FNTB: variants seen among roughly 807,000 people sequenced by gnomAD.
The protein encoded by FNTB is protein farnesyltransferase subunit beta.
FNTB carries 27 observed loss-of-function variants against 59.4 expected under a neutral mutation model. That is an observed-to-expected ratio of 0.45 (90% CI 0.34 to 0.63). FNTB has a LOEUF of 0.63. Ranked by LOEUF, FNTB falls within the 20% of genes least tolerant of loss-of-function variation. The pLI, the probability that FNTB is intolerant of heterozygous loss-of-function variation, is 0.02. For synonymous variants in FNTB, 230 were observed against 220.7 expected (o/e 1.04, Z -0.37); for missense variants, 449 against 559.6 (o/e 0.80, Z 1.99).
At chr14:65,015,309 G>T (rs1171016515) in intron 3 of FNTB, among the ~76,000 whole-genome samples, 1 of 151,620 alleles carries the variant, frequency 6.6e-6, no homozygotes, top group Non-Finnish European at 1.5e-5. Flanking sequence ...CGCCATGTTG[G>T]CCAGGCTGGT....
At chr14:65,013,277 C>G (rs983398583) in intron 3 of FNTB, among the ~76,000 whole-genome samples, 2 of 151,904 alleles carry the variant, frequency 1.3e-5, no homozygotes, top group African/African-American at 2.4e-5. Context: ...CTGCCCATTA[C>G]TGCCATCTGG....
At chr14:65,058,222 G>GT (rs984712073) in intron 11 of FNTB, among the ~76,000 whole-genome samples, 108 of 139,782 alleles carry the variant, frequency 7.7e-4, no homozygotes, top group African/African-American at 2.2e-3. Context: ...GTCTTTCAGT[G>GT]TTTTTTTTAT....
chr14:65,021,543 G>C (rs1342677810), intron 4 of FNTB, among the ~76,000 whole-genome samples: 2 of 152,090 alleles, frequency 1.3e-5, no homozygotes, highest in Non-Finnish European at 2.9e-5. Context: ...GCACCTGGTG[G>C]GTGCAGGTCA....
rs1208153165 is a variant in FNTB at position 64,990,400 on chromosome 14, C to G, written c.144+3303C>G. On this transcript the variant is annotated intron_variant, in intron 1 of 11. Transcript: ENST00000246166. The surrounding 1 kb of genome is among the most constrained non-coding windows in gnomAD (Gnocchi z 5.2). ...AAGAATGAGACCACTGTATTTCTTC[C>G]CTCCTGCAGGCTTGTGTGGGGTGGG... is the stretch of plus-strand genomic sequence containing the variant. Among the ~76,000 whole-genome samples the G allele has an allele frequency of 1.3e-5, 2 of 151,898 alleles. No homozygotes were observed. Among genetic ancestry groups the G allele is most frequent in the African/African-American group, 4.8e-5 (2 of 41,322 alleles).
At chr14:65,043,589 G>A (rs2062400306) in intron 8 of FNTB, among the ~76,000 whole-genome samples, 1 of 151,992 alleles carries the variant, frequency 6.6e-6, no homozygotes, top group African/African-American at 2.4e-5. Flanking sequence ...TTGGGAGGCC[G>A]AGGCGGGTGG....
intron 9 of FNTB, among the ~76,000 whole-genome samples, chr14:65,049,381 C>T (rs1172329936): frequency 1.3e-5 from 2 of 152,070 alleles, no homozygotes; most frequent in South Asian, 2.1e-4. Context: ...ATAAAAGGAA[C>T]CTTTGAAATG....
At chr14:65,056,838 G>A (rs774877239) in intron 11 of FNTB, among the ~76,000 whole-genome samples, 2 of 152,194 alleles carry the variant, frequency 1.3e-5, no homozygotes, top group Non-Finnish European at 2.9e-5. Context: ...CTGAGACTAG[G>A]TAATGTATAA....
intron 2 of FNTB, among the ~76,000 whole-genome samples, chr14:65,010,399 G>C (rs143763368): frequency 3.3e-5 from 5 of 152,122 alleles, no homozygotes; most frequent in Admixed American, 1.3e-4. Context: ...TGAGCCTCAC[G>C]TGTGTGTCCA....
chr14:65,019,050 C>T (rs774962932), intron 4 of FNTB, among the ~76,000 whole-genome samples: 6 of 152,078 alleles, frequency 3.9e-5, no homozygotes, highest in Non-Finnish European at 5.9e-5. Flanking sequence ...TGTTACTGCA[C>T]TCCCGGCTCC....
intron 11 of FNTB, among the ~76,000 whole-genome samples, chr14:65,056,146 T>C (rs2062732367): frequency 6.6e-6 from 1 of 152,236 alleles, no homozygotes; most frequent in African/African-American, 2.4e-5. Flanking sequence ...TTTCAAACTT[T>C]TTGTAATGGT....
In FNTB at chr14:65,041,276, G is replaced by A. The variant is rs375433359; in HGVS notation, c.822+357G>A. 4.5e-4 allele frequency among the ~76,000 whole-genome samples: 68 copies of A among 152,288 alleles called. No homozygotes were observed. In the East Asian group the frequency reaches 0.011, roughly 25 times the overall value. On this transcript the variant is annotated intron_variant, in intron 8 of 11. Transcript: ENST00000246166. ...TACAAGAAGAGCTTTGCAGCATTTC[G>A]AAACCAAACTTTTATTACCTGCTGC... is the stretch of plus-strand genomic sequence containing the variant.
In FNTB at chr14:65,012,434, A is replaced by C; in HGVS notation, c.282+45A>C. 1 of 1,611,072 alleles carries C rather than the reference A, an allele frequency of 6.2e-7. No individual in the cohort carries two copies. Among genetic ancestry groups the C allele is most frequent in the Non-Finnish European group, 8.5e-7 (1 of 1,177,516 alleles). ...ACTCTTGCTGTCAAATTATCCACCA[A>C]ATCCTCCTCCTTTTTCTATTTAAAC... On this transcript the variant is annotated intron_variant, in intron 3 of 11. Transcript: ENST00000246166. This position sits in a 1 kb window ranked among gnomAD's most constrained non-coding sequence, Gnocchi z 5.0.
At position 65,001,858 on chromosome 14, in the gene FNTB, C is replaced by T. The variant is rs1003656615; in HGVS notation, c.145-2391C>T. ...GACAACTTTCTTATTCCTCCCAAGT[C>T]GGATTCTCATGGTGACGTCAGTCTG... On this transcript the variant is annotated intron_variant, in intron 1 of 11. Coordinates refer to ENST00000246166, the MANE Select transcript of FNTB (RefSeq NM_002028.4). The surrounding 1 kb of genome is among the most constrained non-coding windows in gnomAD (Gnocchi z 5.5). Among the ~76,000 whole-genome samples, 8 of 152,166 alleles carry T rather than the reference C, an allele frequency of 5.3e-5. No homozygotes were observed. Among genetic ancestry groups the T allele is most frequent in the African/African-American group, 9.6e-5 (4 of 41,456 alleles).
chr14:65,027,569 GC>G lies in FNTB; in HGVS notation c.492del (p.Thr165ProfsTer20). On this transcript the variant is annotated frameshift_variant, in exon 5 of 12. Coordinates refer to ENST00000246166, the MANE Select transcript of FNTB (RefSeq NM_002028.4). LOFTEE classifies it high-confidence loss of function. The surrounding 1 kb of genome is among the most constrained non-coding windows in gnomAD (Gnocchi z 5.7). ...YAAVNALCIIGTEEAYDIINR... is the reference protein window; with the variant it reads ...YAAVNALCIIXTEEAYDIINR... ...GCAGTCAATGCATTGTGCATCATTGGCACCGAGGAGGCCTATGACATCATTA... is the reference window on the plus strand; with the variant it reads ...GCAGTCAATGCATTGTGCATCATTGGACCGAGGAGGCCTATGACATCATTA... 1 of 1,614,154 alleles carries G rather than the reference GC, an allele frequency of 6.2e-7. No individual in the cohort carries two copies. Among genetic ancestry groups the G allele is most frequent in the East Asian group, 2.2e-5 (1 of 44,890 alleles).
intron 7 of FNTB, 48 bp from the exon 8 acceptor site, chr14:65,040,742 A>T: frequency 1.3e-6 from 2 of 1,592,750 alleles, no homozygotes; most frequent in Non-Finnish European, 1.7e-6. Context: ...GGTCTTGTGT[A>T]CGTCCACTCA....
At chr14:65,037,424 T>TGAGACG in intron 7 of FNTB, among the ~76,000 whole-genome samples, 1 of 113,106 alleles carries the variant, frequency 8.8e-6, no homozygotes, top group Non-Finnish European at 1.8e-5. Context: ...TTTTTTTTTT[T>TGAGACG]TTTTTTTTTT....
chr14:64,996,123 C>CAAAAAAAAAAA (rs60137057), intron 1 of FNTB, among the ~76,000 whole-genome samples: 1 of 82,528 alleles, frequency 1.2e-5, no homozygotes, highest in East Asian at 3.9e-4. Context: ...AACTCTGTCT[C>CAAAAAAAAAAA]AAAAAAAAAA....
intron 1 of FNTB, among the ~76,000 whole-genome samples, chr14:64,993,907 G>C (rs1462755033): frequency 1.3e-5 from 2 of 151,318 alleles, no homozygotes; most frequent in Non-Finnish European, 2.9e-5. Context: ...CCAGGCTGGA[G>C]TGCAGTGGTG....
At chr14:65,060,617 A>G (rs1463587121) in intron 11 of FNTB, among the ~76,000 whole-genome samples, 2 of 120,148 alleles carry the variant, frequency 1.7e-5, no homozygotes, top group Non-Finnish European at 3.1e-5. Flanking sequence ...AATGGCGTGA[A>G]CCCGGGAGGC....
Sources: allele counts gnomAD v4.1 joint callset (sites outside exome capture counted in the v4.1 genomes callset), GRCh38; gene constraint gnomAD v4.1.1; non-coding constraint Gnocchi (gnomAD v3.1); transcripts MANE v1.5; gene names NCBI Gene and HGNC (gene_info 2026-07-23, HGNC 2026-07-21).